CHURC1: variants seen among roughly 807,000 people sequenced by gnomAD.
The protein encoded by CHURC1 is churchill domain containing 1.
CHURC1 carries 12 observed loss-of-function variants against 15.4 expected under a neutral mutation model. The ratio of observed to expected loss-of-function variants is 0.78; its 90% CI spans 0.50 to 1.27. CHURC1 has a LOEUF of 1.27. Ranked by LOEUF, CHURC1 falls within the 50% of genes most tolerant of loss-of-function variation. The probability of loss-of-function intolerance (pLI) is 0.00; values close to 1 mark genes in which losing one functional copy is unlikely to be tolerated. For synonymous variants in CHURC1, 42 were observed against 47.5 expected, an observed-to-expected ratio of 0.88 and a Z score of 0.48; for missense variants, 132 against 137.8, an observed-to-expected ratio of 0.96 and a Z score of 0.21.
rs1021269335 is a variant in CHURC1 at position 64,935,039 on chromosome 14, A to G, written c.*2809A>G. ...TCTGTTCAAATTAGGAATTAGGGAC[A>G]TGGATGAAATTGGAAATCTTCATTC... is the stretch of plus-strand genomic sequence containing the variant. On this transcript the variant is annotated 3_prime_UTR_variant, in exon 4 of 4. Coordinates refer to ENST00000549115, the MANE Select transcript of CHURC1 (RefSeq NM_001386928.1). The G allele has an allele frequency of 8.3e-5, 81 of 975,554 alleles. No homozygotes were observed. The highest frequency in any genetic ancestry group is 9.5e-5 in the Non-Finnish European group (78 of 821,168). The allele number at this position is 975,554 out of a possible 1,614,324, so 60.4% of individuals were successfully genotyped here.
chr14:64,932,069 A>G, intron 3 of CHURC1, 69 bp from the exon 4 acceptor site: 1 of 1,556,140 alleles, frequency 6.4e-7, no homozygotes, highest in Non-Finnish European at 8.7e-7. Context: ...GAACATCTTA[A>G]CTAGAGTAAG....
intron 1 of CHURC1, among the ~76,000 whole-genome samples, chr14:64,916,866 C>T (rs1883921887): frequency 6.6e-6 from 1 of 152,170 alleles, no homozygotes; most frequent in South Asian, 2.1e-4. Flanking sequence ...GCGTGAGCCA[C>T]CGCGCCGGGC....
Position 64,932,512 on chromosome 14 carries a change from C to T in CHURC1, c.*282C>T. 1 of 1,093,600 alleles carries T rather than the reference C, an allele frequency of 9.1e-7. No homozygotes were observed. The highest frequency in any genetic ancestry group is 1.1e-6 in the Non-Finnish European group (1 of 897,334). 67.7% of individuals were successfully genotyped at this position (1,093,600 alleles called of 1,614,324 possible). ...AACTAGAATGGGAGCACACCTGGTG[C>T]CCAGATTTTGGTTTCCAATAAAAGG... On this transcript the variant is annotated 3_prime_UTR_variant, in exon 4 of 4. Transcript: ENST00000549115.
At position 64,932,311 on chromosome 14, in the gene CHURC1, A is replaced by T; in HGVS notation, c.*81A>T. The T allele has an allele frequency of 6.5e-7, 1 of 1,547,646 alleles. No individual in the cohort carries two copies. Among genetic ancestry groups the T allele is most frequent in the Non-Finnish European group, 8.7e-7 (1 of 1,144,414 alleles). The stretch of plus-strand genomic sequence containing the variant: ...CCTGATGGTTTGTCTTATTTCATTC[A>T]TACTGAAAATTCTTTGCATATTTTT... On this transcript the variant is annotated 3_prime_UTR_variant, in exon 4 of 4. Transcript: ENST00000549115.
At position 64,935,364 on chromosome 14, in the gene CHURC1, C is replaced by T; in HGVS notation, c.*3134C>T. 1 of 973,180 alleles carries T rather than the reference C, an allele frequency of 1.0e-6. No individual in the cohort carries two copies. Among genetic ancestry groups the T allele is most frequent in the Non-Finnish European group, 1.2e-6 (1 of 818,908 alleles). The allele number at this position is 973,180 out of a possible 1,614,324, so 60.3% of individuals were successfully genotyped here. A position where few individuals can be genotyped will look rare whatever the true frequency, so the allele number is the denominator to read the frequency against. On this transcript the variant is annotated 3_prime_UTR_variant, in exon 4 of 4. Transcript: ENST00000549115. ...ATAAAATAAAAAAAAAGGAATTAGG[C>T]AAAACATGGCTCTTCTTTTTACTTT...
chr14:64,933,262 A>G lies in CHURC1; in HGVS notation c.*1032A>G. 1 of 484,966 alleles carries G rather than the reference A, an allele frequency of 2.1e-6. No individual in the cohort carries two copies. The highest frequency in any genetic ancestry group is 2.7e-6 in the Non-Finnish European group (1 of 371,958). 30.0% of individuals were successfully genotyped at this position (484,966 alleles called of 1,614,324 possible). ...TGAGAAGACATGACTGCTAGATGTA[A>G]TGTGGTATCCTACATGGAATTATAT... On this transcript the variant is annotated 3_prime_UTR_variant, in exon 4 of 4. Transcript: ENST00000549115.
chr14:64,932,242 C>T lies in CHURC1; in HGVS notation c.*12C>T. On this transcript the variant is annotated 3_prime_UTR_variant, in exon 4 of 4. Coordinates refer to ENST00000549115, the MANE Select transcript of CHURC1 (RefSeq NM_001386928.1). The stretch of plus-strand genomic sequence containing the variant: ...CTCTCTTATTCTAAGGATCCTTCTA[C>T]AGATCTGTTATAACTATATTGTGTT... 2 of 1,613,708 alleles carry T rather than the reference C, an allele frequency of 1.2e-6. No individual in the cohort carries two copies. The highest frequency in any genetic ancestry group is 1.7e-6 in the Non-Finnish European group (2 of 1,179,708).
At position 64,934,334 on chromosome 14, in the gene CHURC1, C is replaced by A; in HGVS notation, c.*2104C>A. On this transcript the variant is annotated 3_prime_UTR_variant, in exon 4 of 4. Transcript: ENST00000549115. ...CTGCACTCCAGCCTGGGAGACAGAGCAAGACTCCATCTCAAAAACAAAAAC... is the reference window on the plus strand; with the variant it reads ...CTGCACTCCAGCCTGGGAGACAGAGAAAGACTCCATCTCAAAAACAAAAAC... The A allele has an allele frequency of 1.4e-6, 1 of 735,604 alleles. No homozygotes were observed. Among genetic ancestry groups the A allele is most frequent in the Non-Finnish European group, 1.7e-6 (1 of 601,828 alleles). 45.6% of individuals were successfully genotyped at this position (735,604 alleles called of 1,614,324 possible).
intron 3 of CHURC1, among the ~76,000 whole-genome samples, chr14:64,928,146 C>T (rs897008376): frequency 7.2e-5 from 11 of 152,120 alleles, no homozygotes; most frequent in African/African-American, 2.2e-4. Flanking sequence ...CTAATGCTAC[C>T]CCTACTGCAT....
chr14:64,933,767 C>T lies in CHURC1; in HGVS notation c.*1537C>T, dbSNP rs1444396632. ...ATTCTGAACTAAGGTCTTATAAGAACAAGAAATGAGCAAAGTGTTCATTGT... is the reference window on the plus strand; with the variant it reads ...ATTCTGAACTAAGGTCTTATAAGAATAAGAAATGAGCAAAGTGTTCATTGT... On this transcript the variant is annotated 3_prime_UTR_variant, in exon 4 of 4. Transcript: ENST00000549115. 6 of 985,158 alleles carry T rather than the reference C, an allele frequency of 6.1e-6. No individual in the cohort carries two copies. The Admixed American group carries it at 3.7e-4, about 61-fold the overall frequency. The allele number at this position is 985,158 out of a possible 1,614,324, so 61.0% of individuals were successfully genotyped here. A position where few individuals can be genotyped will look rare whatever the true frequency, so the allele number is the denominator to read the frequency against.
intron 1 of CHURC1, among the ~76,000 whole-genome samples, chr14:64,923,273 C>CAAAAAAAAAAAAAAAAA (rs563823780): frequency 8.7e-5 from 9 of 103,326 alleles, no homozygotes; most frequent in Admixed American, 3.9e-4. Flanking sequence ...TCTCAATTAC[C>CAAAAAAAAAAAAAAAAA]AAAAAAAAAA....
chr14:64,926,993 A>T (rs1358786308), intron 3 of CHURC1, among the ~76,000 whole-genome samples: 1 of 152,140 alleles, frequency 6.6e-6, no homozygotes, highest in Non-Finnish European at 1.5e-5. Flanking sequence ...TGAGTTACTT[A>T]TTTTGTGTGA....
intron 1 of CHURC1, among the ~76,000 whole-genome samples, chr14:64,922,060 CTG>C (rs1884343204): frequency 6.6e-6 from 1 of 152,040 alleles, no homozygotes; most frequent in Admixed American, 6.5e-5. Flanking sequence ...ACGTGCAAGA[CTG>C]GAGATGGAAA....
At position 64,932,497 on chromosome 14, in the gene CHURC1, G is replaced by A; in HGVS notation, c.*267G>A. 1.8e-6 allele frequency: 2 copies of A among 1,136,732 alleles called. No homozygotes were observed. Among genetic ancestry groups the A allele is most frequent in the East Asian group, 4.8e-5 (1 of 20,876 alleles). 70.4% of individuals were successfully genotyped at this position (1,136,732 alleles called of 1,614,324 possible). The stretch of plus-strand genomic sequence containing the variant: ...ATGTGGTCAGAAAACAACTAGAATG[G>A]GAGCACACCTGGTGCCCAGATTTTG... On this transcript the variant is annotated 3_prime_UTR_variant, in exon 4 of 4. Coordinates refer to ENST00000549115, the MANE Select transcript of CHURC1 (RefSeq NM_001386928.1).
rs1284500797 is a variant in CHURC1 at position 64,935,094 on chromosome 14, A to G, written c.*2864A>G. The G allele has an allele frequency of 1.7e-6, 1 of 600,698 alleles. No individual in the cohort carries two copies. The highest frequency in any genetic ancestry group is 2.0e-5 in the African/African-American group (1 of 49,384). 37.2% of individuals were successfully genotyped at this position (600,698 alleles called of 1,614,324 possible). A position where few individuals can be genotyped will look rare whatever the true frequency, so the allele number is the denominator to read the frequency against. ...TAAACTATCGCAAGGACAAAAAACC[A>G]AACACCACATGTTCTCACTCATAGA... On this transcript the variant is annotated 3_prime_UTR_variant, in exon 4 of 4. Transcript: ENST00000549115.
At chr14:64,931,031 T>C in intron 3 of CHURC1, 1 of 314,042 alleles carries the variant, frequency 3.2e-6, no homozygotes, top group South Asian at 2.7e-5. Context: ...CCCTCTCTAG[T>C]GACTGTCTAA....
At position 64,934,382 on chromosome 14, in the gene CHURC1, A is replaced by C. The variant is rs544183973; in HGVS notation, c.*2152A>C. The C allele has an allele frequency of 9.4e-6, 9 of 957,662 alleles. No individual in the cohort carries two copies. The highest frequency in any genetic ancestry group is 9.9e-6 in the Non-Finnish European group (8 of 804,886). The allele number at this position is 957,662 out of a possible 1,614,324, so 59.3% of individuals were successfully genotyped here. A position where few individuals can be genotyped will look rare whatever the true frequency, so the allele number is the denominator to read the frequency against. ...AACAAAACAAAACAACAACAAAAAA[A>C]GAAGTTAAATAACTTGTTTAAGATC... On this transcript the variant is annotated 3_prime_UTR_variant, in exon 4 of 4. Coordinates refer to ENST00000549115, the MANE Select transcript of CHURC1 (RefSeq NM_001386928.1).
intron 1 of CHURC1, among the ~76,000 whole-genome samples, chr14:64,916,734 T>A (rs879823250): frequency 6.6e-6 from 1 of 152,022 alleles, no homozygotes; most frequent in East Asian, 1.9e-4. Context: ...CCCACCACCA[T>A]GCCCAGCTAA....
In CHURC1 at chr14:64,935,093, C is replaced by G. The variant is rs1885265384; in HGVS notation, c.*2863C>G. 3.4e-6 allele frequency: 2 copies of G among 593,186 alleles called. No individual in the cohort carries two copies. Among genetic ancestry groups the G allele is most frequent in the Admixed American group, 1.3e-4 (2 of 15,728 alleles). The allele number at this position is 593,186 out of a possible 1,614,324, so 36.7% of individuals were successfully genotyped here. A position where few individuals can be genotyped will look rare whatever the true frequency, so the allele number is the denominator to read the frequency against. Reference sequence around the variant, plus strand: ...GTAAACTATCGCAAGGACAAAAAACCAAACACCACATGTTCTCACTCATAG... The same window carrying G: ...GTAAACTATCGCAAGGACAAAAAACGAAACACCACATGTTCTCACTCATAG... On this transcript the variant is annotated 3_prime_UTR_variant, in exon 4 of 4. Transcript: ENST00000549115.
Sources: allele counts gnomAD v4.1 joint callset (sites outside exome capture counted in the v4.1 genomes callset), GRCh38; gene constraint gnomAD v4.1.1; transcripts MANE v1.5; gene names NCBI Gene and HGNC (gene_info 2026-07-23, HGNC 2026-07-21).